Variants in ADD1 observed in about 807,000 individuals in gnomAD.
ADD1 encodes adducin 1, also known as alpha-adducin.
A neutral mutation model predicts 80.5 loss-of-function variants in ADD1; 24 were observed. That is an observed-to-expected ratio of 0.30 (90% CI 0.22 to 0.42). ADD1 has a LOEUF of 0.42. Ranked by LOEUF, ADD1 falls within the 10% of genes least tolerant of loss-of-function variation. The pLI, the probability that ADD1 is intolerant of heterozygous loss-of-function variation, is 1.00. For synonymous variants in ADD1, 373 were observed against 393.8 expected, an observed-to-expected ratio of 0.95 and a Z score of 0.63; for missense variants, 948 against 1,019.0, an observed-to-expected ratio of 0.93 and a Z score of 0.95.
chr4:2,891,134 A>G (rs1181827992), intron 4 of ADD1, among the ~76,000 whole-genome samples: 3 of 152,008 alleles, frequency 2.0e-5, no homozygotes, highest in African/African-American at 2.4e-5. Flanking sequence ...TAAAAAAAAA[A>G]AAAAAGGTCA....
chr4:2,859,870 C>A (rs773956880), intron 1 of ADD1, among the ~76,000 whole-genome samples: 1 of 151,576 alleles, frequency 6.6e-6, no homozygotes, highest in Non-Finnish European at 1.5e-5. Context: ...TAATGACATA[C>A]TTTTCCATCT....
Position 2,909,323 on chromosome 4 carries a change from C to G in ADD1, c.1699-16C>G. On this transcript the variant is annotated splice_polypyrimidine_tract_variant and intron_variant, in intron 12 of 15. Transcript: ENST00000683351. ...CTGGGCCTGGTGTGCTCTGGTGACT[C>G]AGTTTACTGTTTCAGGATGCACCTC... is the stretch of plus-strand genomic sequence containing the variant. 6.5e-7 allele frequency: 1 copy of G among 1,546,382 alleles called. No homozygotes were observed. The highest frequency in any genetic ancestry group is 8.7e-7 in the Non-Finnish European group (1 of 1,143,152).
At chr4:2,915,606 A>C (rs1261447768) in intron 14 of ADD1, among the ~76,000 whole-genome samples, 4 of 152,142 alleles carry the variant, frequency 2.6e-5, no homozygotes, top group Non-Finnish European at 5.9e-5. Context: ...GCACCACGGC[A>C]CTCCAGCCTG....
intron 1 of ADD1, chr4:2,853,594 C>G (rs1466082468): frequency 6.6e-6 from 1 of 151,824 alleles, no homozygotes; most frequent in African/African-American, 2.4e-5. Flanking sequence ...AGAAACTCTT[C>G]TGTTATTATG....
chr4:2,927,899 G>C (rs371456906), intron 15 of ADD1, among the ~76,000 whole-genome samples: 2 of 152,086 alleles, frequency 1.3e-5, no homozygotes, highest in Admixed American at 6.5e-5. Flanking sequence ...TCTTTCCGGC[G>C]GGGGGACCCA....
intron 2 of ADD1, among the ~76,000 whole-genome samples, chr4:2,880,707 C>A (rs1208056680): frequency 6.6e-6 from 1 of 151,926 alleles, no homozygotes; most frequent in Admixed American, 6.6e-5. Flanking sequence ...GATCTCCTGA[C>A]CTCGTGATCC....
intron 1 of ADD1, among the ~76,000 whole-genome samples, chr4:2,858,654 T>C (rs570873556): frequency 6.6e-6 from 1 of 152,320 alleles, no homozygotes; most frequent in Admixed American, 6.5e-5. Flanking sequence ...GTTAAACAGA[T>C]GGTTGGCTTA....
intron 1 of ADD1, among the ~76,000 whole-genome samples, chr4:2,845,649 C>G (rs1334298885): frequency 1.3e-5 from 2 of 152,144 alleles, no homozygotes; most frequent in Admixed American, 6.5e-5. Context: ...ATACTTCGTA[C>G]AAGCTGGTCA....
intron 1 of ADD1, among the ~76,000 whole-genome samples, chr4:2,869,996 G>A (rs1730170685): frequency 6.6e-6 from 1 of 152,180 alleles, no homozygotes; most frequent in Non-Finnish European, 1.5e-5. Context: ...CCTCTAGCAG[G>A]CATTTTACAC....
intron 1 of ADD1, among the ~76,000 whole-genome samples, chr4:2,852,193 T>TCTTTCTTTCTTC (rs1560138273): frequency 1.3e-5 from 1 of 78,262 alleles, no homozygotes. Context: ...TTTCTTTCTT[T>TCTTTCTTTCTTC]CTTTCCTTTC....
At chr4:2,890,538 C>G (rs1053775574) in intron 4 of ADD1, among the ~76,000 whole-genome samples, 1 of 152,108 alleles carries the variant, frequency 6.6e-6, no homozygotes, top group Non-Finnish European at 1.5e-5. Flanking sequence ...TCCCGAGTAG[C>G]TGGGAGTACA....
At position 2,894,586 on chromosome 4, in the gene ADD1, A is replaced by C. The variant is rs1734865913; in HGVS notation, c.596A>C (p.Lys199Thr). The C allele has an allele frequency of 7.5e-6, 12 of 1,594,504 alleles. No individual in the cohort carries two copies. The highest frequency in any genetic ancestry group is 1.0e-5 in the Non-Finnish European group (12 of 1,174,240). Residue 199 changes from lysine (K) to threonine (T), a missense_variant, in exon 6 of 16, where the codon AAG becomes ACG. Transcript: ENST00000683351. ...YSEVTASSLV[K>T]INLQGDIVDR... Reference sequence around the variant, plus strand: ...TTTTTATTTTTTTATTTTCAGGTTAAGATCAATCTACAAGGAGATATAGTA... The same window carrying C: ...TTTTTATTTTTTTATTTTCAGGTTACGATCAATCTACAAGGAGATATAGTA...
chr4:2,882,637 T>G (rs1394127586), intron 3 of ADD1, among the ~76,000 whole-genome samples: 1 of 152,204 alleles, frequency 6.6e-6, no homozygotes, highest in Admixed American at 6.5e-5. Context: ...TCAAATCTGA[T>G]TGCCCGAAAT....
Position 2,928,706 on chromosome 4 carries a change from C to T in ADD1, c.*183C>T, listed in dbSNP as rs1336116159. 6.8e-6 allele frequency: 4 copies of T among 587,084 alleles called. No individual in the cohort carries two copies. The Admixed American group carries it at 1.4e-4, about 21-fold the overall frequency. 36.4% of individuals were successfully genotyped at this position (587,084 alleles called of 1,614,324 possible). A position where few individuals can be genotyped will look rare whatever the true frequency, so the allele number is the denominator to read the frequency against. On this transcript the variant is annotated 3_prime_UTR_variant, in exon 16 of 16. Transcript: ENST00000683351. ...ACCCAGTGTGTGCTCAGCAGCCCCA[C>T]CCCACCCTGCCCCTTGTCCTCTCAG...
chr4:2,909,221 C>T (rs531803249), intron 12 of ADD1, 118 bp from the exon 13 acceptor site: 23 of 830,400 alleles, frequency 2.8e-5, no homozygotes, highest in African/African-American at 3.4e-5. Flanking sequence ...ATCACTGCCA[C>T]ACTTACTGTT....
At chr4:2,920,074 T>C (rs937551611) in intron 14 of ADD1, among the ~76,000 whole-genome samples, 1 of 152,248 alleles carries the variant, frequency 6.6e-6, no homozygotes, top group Non-Finnish European at 1.5e-5. Context: ...ACTTATTTAT[T>C]TCTGCGTGAA....
At chr4:2,885,976 G>T (rs1026137659) in intron 4 of ADD1, among the ~76,000 whole-genome samples, 1 of 152,166 alleles carries the variant, frequency 6.6e-6, no homozygotes, top group Non-Finnish European at 1.5e-5. Context: ...CTTTTGTAGA[G>T]ATAGCTTCTT....
Position 2,904,783 on chromosome 4 carries a change from C to T in ADD1, c.1181C>T (p.Pro394Leu). The change falls in exon 10 of 16, where the codon CCT (proline) becomes CTT (leucine). Residue 394 changes from proline (P) to leucine (L), a missense_variant. By Grantham distance (98) the Pro-to-Leu change is moderately conservative. Coordinates refer to ENST00000683351, the MANE Select transcript of ADD1 (RefSeq NM_001354761.2). ...CCCTAGGGCTACAGAACTGGCTACCCTTATCGATACCCTGCTCTGAGAGAG... is the reference window on the plus strand; with the variant it reads ...CCCTAGGGCTACAGAACTGGCTACCTTTATCGATACCCTGCTCTGAGAGAG... ...LDNLGYRTGY[P>L]YRYPALREKS... is the part of the protein sequence containing the mutation. The T allele has an allele frequency of 6.2e-7, 1 of 1,614,098 alleles. No individual in the cohort carries two copies. Among genetic ancestry groups the T allele is most frequent in the Non-Finnish European group, 8.5e-7 (1 of 1,179,952 alleles).
intron 1 of ADD1, among the ~76,000 whole-genome samples, chr4:2,860,364 C>T (rs1728670139): frequency 6.6e-6 from 1 of 152,152 alleles, no homozygotes; most frequent in South Asian, 2.1e-4. Flanking sequence ...GCAGATTGTC[C>T]ATTTGCAGTC....
Sources: gnomAD v4.1 joint callset for allele counts (sites outside exome capture counted in the v4.1 genomes callset) on GRCh38, gnomAD v4.1.1 for gene constraint, MANE v1.5 for transcripts, NCBI Gene and HGNC (gene_info 2026-07-23, HGNC 2026-07-21) for gene names.